The following NAV3 variants were observed in gnomAD, a reference collection of about 807,000 sequenced individuals.
NAV3 encodes the protein pore membrane and/or filament interacting like protein 1.
A neutral mutation model predicts 244.7 loss-of-function variants in NAV3; 87 were observed. The ratio of observed to expected loss-of-function variants is 0.36; its 90% CI spans 0.30 to 0.42. NAV3 has a LOEUF of 0.42. Ranked by LOEUF, NAV3 falls within the 20% of genes least tolerant of loss-of-function variation. The pLI, the probability that NAV3 is intolerant of heterozygous loss-of-function variation, is 1.00. For synonymous variants in NAV3, 1,126 were observed against 1,042.2 expected (o/e 1.08, Z -1.55); for missense variants, 2,663 against 2,893.3 (o/e 0.92, Z 1.83).
At chr12:77,661,411 G>T (rs544446238) in intron 2 of NAV3, among the ~76,000 whole-genome samples, 2 of 152,166 alleles carry the variant, frequency 1.3e-5, no homozygotes, top group South Asian at 4.2e-4. Context: ...TTGCCATTTT[G>T]AATTGAGTTG....
At chr12:77,921,101 A>G (rs1887669594) in intron 1 of NAV3, among the ~76,000 whole-genome samples, 1 of 152,058 alleles carries the variant, frequency 6.6e-6, no homozygotes, top group Non-Finnish European at 1.5e-5. Flanking sequence ...TGGTATGTGA[A>G]ATATTCAACA....
chr12:77,743,023 A>C (rs192042600), intron 2 of NAV3, among the ~76,000 whole-genome samples: 15 of 152,148 alleles, frequency 9.9e-5, no homozygotes, highest in Admixed American at 6.5e-4. Flanking sequence ...TATACAAGAA[A>C]AAGTTGAATT....
At chr12:78,031,438 T>C (rs1878967675) in intron 9 of NAV3, among the ~76,000 whole-genome samples, 1 of 152,086 alleles carries the variant, frequency 6.6e-6, no homozygotes, top group South Asian at 2.1e-4. Flanking sequence ...GTTTGAGGAC[T>C]GGATGTGTGA....
intron 12 of NAV3, among the ~76,000 whole-genome samples, chr12:78,115,772 C>T (rs530247927): frequency 6.6e-6 from 1 of 152,234 alleles, no homozygotes; most frequent in African/African-American, 2.4e-5. Context: ...ACATGCTGTA[C>T]ACCTAGGAGC....
intron 2 of NAV3, among the ~76,000 whole-genome samples, chr12:77,795,190 A>C (rs1871351494): frequency 6.6e-6 from 1 of 152,222 alleles, no homozygotes; most frequent in Admixed American, 6.5e-5. Flanking sequence ...TCCATGAATA[A>C]GAAAGCAAAA....
chr12:78,193,836 CTGAT>C (rs1332816746), intron 34 of NAV3, among the ~76,000 whole-genome samples: 7 of 152,070 alleles, frequency 4.6e-5, no homozygotes, highest in African/African-American at 1.4e-4. Context: ...CCTAAAGGCT[CTGAT>C]TGTCCAAAAA....
intron 30 of NAV3, among the ~76,000 whole-genome samples, chr12:78,182,618 G>C (rs1018513890): frequency 3.3e-5 from 5 of 151,756 alleles, no homozygotes; most frequent in African/African-American, 1.2e-4. Flanking sequence ...AAATCAAAGA[G>C]TTTAAATTTA....
chr12:78,150,497 T>G (rs1957031874), intron 22 of NAV3, among the ~76,000 whole-genome samples: 1 of 65,678 alleles, frequency 1.5e-5, no homozygotes, highest in Non-Finnish European at 3.1e-5. Context: ...CATTTTTTTG[T>G]TTTTGTTTTT....
In NAV3 at chr12:78,206,640, G is replaced by A. The variant is rs369877339; in HGVS notation, c.7038+1502G>A. On this transcript the variant is annotated intron_variant, in intron 39 of 39. Coordinates refer to ENST00000397909, the MANE Select transcript of NAV3 (RefSeq NM_001024383.2). ...TGAATGCACTTGTCTTCTAGTAGAG[G>A]AAACAAATTCAAGGTTTTCCCTTCT... 8.4e-4 allele frequency among the ~76,000 whole-genome samples: 127 copies of A among 152,020 alleles called. 1 individual carries two copies. The South Asian group carries it at 0.026, about 31-fold the overall frequency.
chr12:78,156,630 T>G (rs538506340), intron 22 of NAV3, among the ~76,000 whole-genome samples: 33 of 152,258 alleles, frequency 2.2e-4, no homozygotes, highest in African/African-American at 7.7e-4. Context: ...ATTTCTCCAC[T>G]ATAAGGAGAA....
chr12:78,042,956 A>C (rs1329960171), intron 9 of NAV3, among the ~76,000 whole-genome samples: 1 of 151,918 alleles, frequency 6.6e-6, no homozygotes, highest in African/African-American at 2.4e-5. Context: ...ATTTTACTTT[A>C]AGTTCTGGGA....
chr12:78,177,499 C>T (rs1181960777), intron 27 of NAV3, 121 bp from the exon 28 acceptor site: 10 of 1,152,762 alleles, frequency 8.7e-6, no homozygotes, highest in South Asian at 1.5e-5. Flanking sequence ...TTTTCTTTTT[C>T]ATTTTCATAT....
chr12:78,122,487 C>T (rs1955717939), intron 16 of NAV3, 59 bp downstream of exon 16: 4 of 1,496,584 alleles, frequency 2.7e-6, no homozygotes, highest in Non-Finnish European at 2.7e-6. Flanking sequence ...CTATGCCTAA[C>T]CCCCACCCCA....
intron 2 of NAV3, among the ~76,000 whole-genome samples, chr12:77,656,025 G>A (rs1490184703): frequency 9.3e-5 from 14 of 150,044 alleles, no homozygotes; most frequent in African/African-American, 2.5e-4. Flanking sequence ...AAAGACCATC[G>A]AGACTAGGAA....
chr12:77,639,579 A>T (rs527909548), intron 2 of NAV3, among the ~76,000 whole-genome samples: 1 of 152,150 alleles, frequency 6.6e-6, no homozygotes, highest in Admixed American at 6.6e-5. Context: ...TGCAAAGTTG[A>T]TGTGAAGGAG....
intron 2 of NAV3, among the ~76,000 whole-genome samples, chr12:77,788,222 C>T (rs1016593081): frequency 1.3e-5 from 2 of 152,090 alleles, no homozygotes; most frequent in Non-Finnish European, 2.9e-5. Flanking sequence ...AACATGTATA[C>T]CTAAATTTTT....
At chr12:78,091,821 G>A (rs1953958905) in intron 12 of NAV3, 1 of 138,088 alleles carries the variant, frequency 7.2e-6, no homozygotes, top group South Asian at 2.3e-4. Context: ...AAATTCACCT[G>A]TTAATTGGCT....
chr12:77,956,409 G>C (rs1006121880), intron 3 of NAV3, among the ~76,000 whole-genome samples: 1 of 152,134 alleles, frequency 6.6e-6, no homozygotes, highest in Non-Finnish European at 1.5e-5. Context: ...ATTGGCAACA[G>C]CAATATCTAG....
chr12:77,580,439 C>T (rs1869310648), intron 2 of NAV3, among the ~76,000 whole-genome samples: 1 of 152,132 alleles, frequency 6.6e-6, no homozygotes, highest in Non-Finnish European at 1.5e-5. Flanking sequence ...AGAATTAGTG[C>T]TTATGATATT....
Sources: gnomAD v4.1 joint callset for allele counts (sites outside exome capture counted in the v4.1 genomes callset) on GRCh38, gnomAD v4.1.1 for gene constraint, MANE v1.5 for transcripts, NCBI Gene and HGNC (gene_info 2026-07-23, HGNC 2026-07-21) for gene names.